ARHGEF3: variants seen among roughly 807,000 people sequenced by gnomAD.
The protein encoded by ARHGEF3 is 59.8 kDA protein.
Under a neutral mutation model 63.2 loss-of-function variants are expected in ARHGEF3, and 28 were observed. The observed-to-expected ratio is 0.44, with a 90% confidence interval of 0.33 to 0.61. The LOEUF (loss-of-function observed/expected upper bound fraction) is 0.61. Among genes scored for constraint, ARHGEF3 ranks in the 20% least tolerant of loss-of-function variants. ARHGEF3 has a pLI of 0.03. For missense variants in ARHGEF3, 533 were observed against 659.3 expected, an observed-to-expected ratio of 0.81 and a Z score of 2.10; for synonymous variants, 266 against 254.2, an observed-to-expected ratio of 1.05 and a Z score of -0.44.
chr3:56,847,091 T>C (rs2039516258), intron 4 of ARHGEF3, among the ~76,000 whole-genome samples: 1 of 152,122 alleles, frequency 6.6e-6, no homozygotes, highest in Non-Finnish European at 1.5e-5. Context: ...CACAGTGAAT[T>C]AGAGTCAGAA....
chr3:56,912,572 A>C (rs1333834519), intron 3 of ARHGEF3, among the ~76,000 whole-genome samples: 1 of 152,254 alleles, frequency 6.6e-6, no homozygotes, highest in Non-Finnish European at 1.5e-5. Flanking sequence ...AAACAAGAAT[A>C]ATGATAGTAG....
chr3:56,966,045 T>C (rs1700480998), intron 2 of ARHGEF3, among the ~76,000 whole-genome samples: 1 of 152,194 alleles, frequency 6.6e-6, no homozygotes, highest in South Asian at 2.1e-4. Flanking sequence ...ATAGGAGATA[T>C]ACATGATATG....
intron 4 of ARHGEF3, among the ~76,000 whole-genome samples, chr3:56,820,161 T>G (rs1180049182): frequency 6.6e-6 from 1 of 152,134 alleles, no homozygotes; most frequent in East Asian, 1.9e-4. Flanking sequence ...GACCTACCAG[T>G]TTAATGGTCA....
At chr3:56,932,305 C>A (rs1358171293) in intron 3 of ARHGEF3, among the ~76,000 whole-genome samples, 1 of 152,110 alleles carries the variant, frequency 6.6e-6, no homozygotes, top group Non-Finnish European at 1.5e-5. Context: ...AAAAAAAAGT[C>A]ATGTATAACC....
chr3:56,795,302 T>C (rs1053677157), intron 1 of ARHGEF3, among the ~76,000 whole-genome samples: 3 of 152,174 alleles, frequency 2.0e-5, no homozygotes, highest in Non-Finnish European at 4.4e-5. Context: ...CAACAGGCCT[T>C]TCCCACTCTG....
intron 3 of ARHGEF3, among the ~76,000 whole-genome samples, chr3:56,897,642 C>A (rs1314865203): frequency 2.0e-5 from 3 of 150,872 alleles, no homozygotes; most frequent in Non-Finnish European, 4.4e-5. Flanking sequence ...CTCACTGCAA[C>A]CTTCACCTCC....
intron 3 of ARHGEF3, among the ~76,000 whole-genome samples, chr3:56,903,313 G>A (rs1374469458): frequency 1.3e-5 from 2 of 152,206 alleles, no homozygotes; most frequent in Non-Finnish European, 2.9e-5. Flanking sequence ...AGGCTAGAGG[G>A]AGAGTCACAG....
chr3:56,856,550 C>G (rs1173707803), intron 4 of ARHGEF3, among the ~76,000 whole-genome samples: 3 of 152,036 alleles, frequency 2.0e-5, no homozygotes, highest in African/African-American at 7.3e-5. Flanking sequence ...TCCCCCTTCC[C>G]CACCACCCAC....
chr3:56,908,058 A>G (rs571249235), intron 3 of ARHGEF3, among the ~76,000 whole-genome samples: 175 of 152,334 alleles, frequency 1.1e-3, no homozygotes, highest in African/African-American at 4.0e-3. Flanking sequence ...AAAGAAAAAG[A>G]GCCTCCTTAC....
chr3:57,039,627 C>T (rs187092276), intron 1 of ARHGEF3, among the ~76,000 whole-genome samples: 73 of 152,290 alleles, frequency 4.8e-4, no homozygotes, highest in Non-Finnish European at 8.1e-4. Context: ...TCCTCCTGGA[C>T]GTTCTAGAGG....
intron 1 of ARHGEF3, among the ~76,000 whole-genome samples, chr3:57,042,716 A>T (rs1382427509): frequency 1.1e-3 from 46 of 41,730 alleles, no homozygotes; most frequent in African/African-American, 2.2e-3. Context: ...TTTTTTTTTT[A>T]GACGGAGTCT....
At chr3:56,809,677 G>T (rs1192209232) in intron 4 of ARHGEF3, among the ~76,000 whole-genome samples, 1 of 151,802 alleles carries the variant, frequency 6.6e-6, no homozygotes, top group Non-Finnish European at 1.5e-5. Flanking sequence ...TTCATATTTG[G>T]GGGTTAAGGA....
chr3:57,016,449 T>C (rs1703007532), intron 2 of ARHGEF3, among the ~76,000 whole-genome samples: 2 of 151,736 alleles, frequency 1.3e-5, no homozygotes, highest in South Asian at 4.2e-4. Flanking sequence ...CTCGGGAGGC[T>C]GAGGCAGAGA....
intron 7 of ARHGEF3, among the ~76,000 whole-genome samples, chr3:56,744,695 C>T (rs2034269802): frequency 6.6e-6 from 1 of 151,878 alleles, no homozygotes; most frequent in Non-Finnish European, 1.5e-5. Context: ...CATGAGCCAT[C>T]GTGCCTGGCC....
At chr3:56,855,007 G>A (rs1192033361) in intron 4 of ARHGEF3, among the ~76,000 whole-genome samples, 1 of 152,162 alleles carries the variant, frequency 6.6e-6, no homozygotes, top group East Asian at 1.9e-4. Context: ...GCAGAGGTCA[G>A]AGTGGAAAAA....
At chr3:56,949,018 C>A (rs900215374) in intron 3 of ARHGEF3, among the ~76,000 whole-genome samples, 2 of 151,860 alleles carry the variant, frequency 1.3e-5, no homozygotes, top group African/African-American at 4.9e-5. Context: ...ACAGAACCAA[C>A]GACAAAAACC....
intron 1 of ARHGEF3, among the ~76,000 whole-genome samples, chr3:56,798,740 T>C (rs1331709135): frequency 1.3e-5 from 2 of 152,156 alleles, no homozygotes; most frequent in African/African-American, 4.8e-5. Flanking sequence ...CAAAAACAGA[T>C]AAACTGAACA....
Position 56,934,702 on chromosome 3 carries a change from C to T in ARHGEF3, c.129+24121G>A, listed in dbSNP as rs1299669295. 2.6e-5 allele frequency among the ~76,000 whole-genome samples: 4 copies of T among 152,248 alleles called. No individual in the cohort carries two copies. The South Asian group carries it at 6.2e-4, about 24-fold the overall frequency. ...TCACCAGGCCTTAGTTGCCCTCCCACGGGGCAGGGCTTGGGACCTGCAGCC... is the reference window on the plus strand; with the variant it reads ...TCACCAGGCCTTAGTTGCCCTCCCATGGGGCAGGGCTTGGGACCTGCAGCC... On this transcript the variant is annotated intron_variant, in intron 3 of 12. Transcript: ENST00000338458.
At chr3:57,029,328 G>T (rs1233377250) in intron 2 of ARHGEF3, among the ~76,000 whole-genome samples, 2 of 152,102 alleles carry the variant, frequency 1.3e-5, no homozygotes, top group Admixed American at 6.5e-5. Context: ...TACTCAGTAG[G>T]CTGAGGCAGG....
Sources: allele counts gnomAD v4.1 joint callset (sites outside exome capture counted in the v4.1 genomes callset), GRCh38; gene constraint gnomAD v4.1.1; transcripts MANE v1.5; gene names NCBI Gene and HGNC (gene_info 2026-07-23, HGNC 2026-07-21).